LCLAT1: variants seen among roughly 807,000 people sequenced by gnomAD.
LCLAT1 encodes lysocardiolipin acyltransferase 1.
In LCLAT1, 11 loss-of-function variants were observed where a neutral mutation model predicts 30.7. The ratio of observed to expected loss-of-function variants is 0.36; its 90% CI spans 0.23 to 0.59. The LOEUF is 0.59. Among genes scored for constraint, LCLAT1 ranks in the 20% least tolerant of loss-of-function variants. LCLAT1 has a pLI of 0.77. For synonymous variants in LCLAT1, 155 were observed against 151.3 expected (o/e 1.02, Z -0.18); for missense variants, 402 against 458.6 (o/e 0.88, Z 1.13).
At chr2:30,495,507 T>C (rs1177084251) in intron 1 of LCLAT1, among the ~76,000 whole-genome samples, 1 of 151,600 alleles carries the variant, frequency 6.6e-6, no homozygotes, top group Admixed American at 6.6e-5. Flanking sequence ...ATAAAAGGAG[T>C]ATAATTTAAA....
chr2:30,561,202 C>T (rs1418979314), intron 3 of LCLAT1, among the ~76,000 whole-genome samples: 2 of 152,188 alleles, frequency 1.3e-5, no homozygotes, highest in African/African-American at 4.8e-5. Flanking sequence ...CTCAGCCTCC[C>T]AAAGTGCTGG....
intron 1 of LCLAT1, among the ~76,000 whole-genome samples, chr2:30,485,557 TC>T (rs1477062696): frequency 6.6e-6 from 1 of 152,056 alleles, no homozygotes; most frequent in South Asian, 2.1e-4. Context: ...TCTTAAGTGT[TC>T]TTTTTGTTTA....
intron 1 of LCLAT1, among the ~76,000 whole-genome samples, chr2:30,495,219 A>C (rs988030407): frequency 1.3e-5 from 2 of 152,178 alleles, no homozygotes; most frequent in African/African-American, 4.8e-5. Context: ...GTTCTTGCCC[A>C]CAAATCATTA....
At chr2:30,540,103 G>A (rs751169941) in intron 3 of LCLAT1, among the ~76,000 whole-genome samples, 6 of 152,044 alleles carry the variant, frequency 3.9e-5, no homozygotes, top group Admixed American at 2.6e-4. Context: ...TCTCATCCTG[G>A]CTCTGTTGTC....
chr2:30,615,207 C>T (rs547013000), intron 5 of LCLAT1, among the ~76,000 whole-genome samples: 5 of 152,160 alleles, frequency 3.3e-5, no homozygotes, highest in Admixed American at 3.3e-4. Flanking sequence ...TGCTGGGGCT[C>T]TGTTCCTGAG....
At chr2:30,590,828 A>G (rs1666660439) in intron 5 of LCLAT1, among the ~76,000 whole-genome samples, 1 of 152,100 alleles carries the variant, frequency 6.6e-6, no homozygotes, top group Admixed American at 6.5e-5. Context: ...AAGGCGTTAA[A>G]TATCATTAAA....
At chr2:30,581,418 A>T (rs116078514) in intron 5 of LCLAT1, among the ~76,000 whole-genome samples, 292 of 152,274 alleles carry the variant, frequency 1.9e-3, no homozygotes, top group Middle Eastern at 0.01. Context: ...TTTCTGGGTG[A>T]TTAGGAAATT....
chr2:30,510,559 A>G (rs1684892367), intron 1 of LCLAT1, among the ~76,000 whole-genome samples: 1 of 152,084 alleles, frequency 6.6e-6, no homozygotes, highest in Non-Finnish European at 1.5e-5. Flanking sequence ...CTTGGTGAAC[A>G]TCTGTTTTCA....
At chr2:30,606,353 G>A (rs981889091) in intron 5 of LCLAT1, 6 of 230,152 alleles carry the variant, frequency 2.6e-5, no homozygotes, top group African/African-American at 1.5e-4. Flanking sequence ...CAGGGCTACA[G>A]TAACCAAAAT....
Position 30,623,092 on chromosome 2 carries a change from C to T in LCLAT1, c.629-17025C>T, listed in dbSNP as rs7562252. Among the ~76,000 whole-genome samples the T allele has an allele frequency of 4.0e-4, 57 of 144,118 alleles. 1 individual carries two copies. The Middle Eastern group carries it at 0.011, about 28-fold the overall frequency. The allele number at this position is 144,118 out of a possible 152,430, so 94.5% of individuals were successfully genotyped here. A position where few individuals can be genotyped will look rare whatever the true frequency, so the allele number is the denominator to read the frequency against. On this transcript the variant is annotated intron_variant, in intron 5 of 5. Coordinates refer to ENST00000379509, the MANE Select transcript of LCLAT1 (RefSeq NM_001002257.3). The stretch of plus-strand genomic sequence containing the variant: ...TTTTTGAGACGGAGTCTCACTCTGT[C>T]GCCAGGGCTAGAGTGCAGTGGCGTG...
At chr2:30,548,390 A>G (rs1033614382) in intron 3 of LCLAT1, among the ~76,000 whole-genome samples, 4 of 152,178 alleles carry the variant, frequency 2.6e-5, no homozygotes, top group African/African-American at 9.7e-5. Flanking sequence ...CATTTAAGAA[A>G]TACATTGGTT....
At chr2:30,567,683 A>G (rs1436855782) in intron 4 of LCLAT1, among the ~76,000 whole-genome samples, 1 of 152,152 alleles carries the variant, frequency 6.6e-6, no homozygotes, top group Non-Finnish European at 1.5e-5. Flanking sequence ...CCATTCAAAC[A>G]TCTCCTACAG....
chr2:30,615,561 A>G (rs1046461690), intron 5 of LCLAT1, among the ~76,000 whole-genome samples: 2 of 152,166 alleles, frequency 1.3e-5, no homozygotes, highest in African/African-American at 4.8e-5. Context: ...GAATTTACCA[A>G]GGACTCCCAC....
At chr2:30,574,253 A>G (rs1292105298) in intron 5 of LCLAT1, among the ~76,000 whole-genome samples, 2 of 152,176 alleles carry the variant, frequency 1.3e-5, no homozygotes, top group Non-Finnish European at 2.9e-5. Context: ...ACATTACAAA[A>G]CATGTTATAA....
chr2:30,510,585 A>T (rs1215240522), intron 1 of LCLAT1, among the ~76,000 whole-genome samples: 2 of 152,126 alleles, frequency 1.3e-5, no homozygotes, highest in Non-Finnish European at 2.9e-5. Flanking sequence ...TATCTTTGCT[A>T]TTAGTAGGCT....
intron 1 of LCLAT1, among the ~76,000 whole-genome samples, chr2:30,509,519 T>A (rs1684836413): frequency 6.6e-6 from 1 of 152,190 alleles, no homozygotes; most frequent in South Asian, 2.1e-4. Flanking sequence ...ATATTTTGTT[T>A]CTAAATTCAC....
chr2:30,601,907 A>C (rs369317173), intron 5 of LCLAT1, among the ~76,000 whole-genome samples: 3 of 115,446 alleles, frequency 2.6e-5, no homozygotes, highest in Admixed American at 1.0e-4. Context: ...ATATATATAT[A>C]ATGTTAAACT....
At chr2:30,499,883 A>G (rs937081777) in intron 1 of LCLAT1, among the ~76,000 whole-genome samples, 1 of 152,210 alleles carries the variant, frequency 6.6e-6, no homozygotes, top group Non-Finnish European at 1.5e-5. Flanking sequence ...AATGTGCTAC[A>G]TGAAACACTT....
At chr2:30,490,620 T>C (rs575544256) in intron 1 of LCLAT1, among the ~76,000 whole-genome samples, 23 of 152,252 alleles carry the variant, frequency 1.5e-4, no homozygotes, top group African/African-American at 5.3e-4. Flanking sequence ...ATCTGTAAAG[T>C]AGTTTTGAGA....
Sources: allele counts gnomAD v4.1 joint callset (sites outside exome capture counted in the v4.1 genomes callset), GRCh38; gene constraint gnomAD v4.1.1; transcripts MANE v1.5; gene names NCBI Gene and HGNC (gene_info 2026-07-23, HGNC 2026-07-21).